Variants in ZDHHC14 observed in about 807,000 individuals in gnomAD.
The protein encoded by ZDHHC14 is zDHHC palmitoyltransferase 14.
In ZDHHC14, 16 loss-of-function variants were observed where a neutral mutation model predicts 47.7. The observed-to-expected ratio is 0.34, with a 90% confidence interval of 0.23 to 0.51. The LOEUF (loss-of-function observed/expected upper bound fraction) is 0.51. ZDHHC14 is among the 20% of genes least tolerant of loss of function. The pLI, the probability that ZDHHC14 is intolerant of heterozygous loss-of-function variation, is 0.97. For synonymous variants in ZDHHC14, 293 were observed against 278.9 expected, an observed-to-expected ratio of 1.05 and a Z score of -0.50; for missense variants, 515 against 662.5, an observed-to-expected ratio of 0.78 and a Z score of 2.44.
At chr6:157,466,366 A>C (rs896150805) in intron 1 of ZDHHC14, among the ~76,000 whole-genome samples, 3 of 152,208 alleles carry the variant, frequency 2.0e-5, no homozygotes, top group Admixed American at 6.5e-5. Context: ...ATCACAGCCC[A>C]TACCTGCGTC....
chr6:157,513,572 C>T (rs1351155305), intron 1 of ZDHHC14, among the ~76,000 whole-genome samples: 2 of 152,104 alleles, frequency 1.3e-5, no homozygotes, highest in Admixed American at 6.6e-5. Context: ...TTTTGCTGTT[C>T]GGTATTTAGG....
chr6:157,442,635 G>T (rs925876932), intron 1 of ZDHHC14, among the ~76,000 whole-genome samples: 1 of 152,180 alleles, frequency 6.6e-6, no homozygotes, highest in Non-Finnish European at 1.5e-5. Context: ...TTGCCTGGGC[G>T]ATTTTCTCCT....
intron 1 of ZDHHC14, among the ~76,000 whole-genome samples, chr6:157,429,096 C>T (rs892069747): frequency 1.3e-5 from 2 of 152,076 alleles, no homozygotes; most frequent in African/African-American, 4.8e-5. Flanking sequence ...GGGAAGGGAA[C>T]GGCCTAGGAT....
rs768063106 is a variant in ZDHHC14 at position 157,536,819 on chromosome 6, C to CTTTTTTTTTTTTTTTTTT, written c.246-5749_246-5748insTTTTTTTTTTTTTTTTTT. ...TCTGTCTATCTATCCCTCCATCTAT[C>CTTTTTTTTTTTTTTTTTT]TTTTTTTTTTTTTTTTTGAGACAGA... On this transcript the variant is annotated intron_variant, in intron 1 of 8. Coordinates refer to ENST00000359775, the MANE Select transcript of ZDHHC14 (RefSeq NM_024630.3). Among the ~76,000 whole-genome samples the CTTTTTTTTTTTTTTTTTT allele has an allele frequency of 6.5e-4, 64 of 97,974 alleles. 7 individuals are homozygous for CTTTTTTTTTTTTTTTTTT. Among genetic ancestry groups the CTTTTTTTTTTTTTTTTTT allele is most frequent in the African/African-American group, 9.6e-4 (15 of 15,644 alleles). 64.3% of individuals were successfully genotyped at this position (97,974 alleles called of 152,430 possible).
intron 1 of ZDHHC14, among the ~76,000 whole-genome samples, chr6:157,417,746 C>A (rs530768086): frequency 6.6e-6 from 1 of 152,100 alleles, no homozygotes; most frequent in African/African-American, 2.4e-5. Flanking sequence ...TTTGGGAGGC[C>A]GAGGCGGGCG....
rs1779047268 is a variant in ZDHHC14, at chr6:157,460,359, A to G, written c.245+78093A>G. On this transcript the variant is annotated intron_variant, in intron 1 of 8. Coordinates refer to ENST00000359775, the MANE Select transcript of ZDHHC14 (RefSeq NM_024630.3). ...GACTGCAGTGAGCTATGATCACACC[A>G]CTGCACTCCAGCCTGGGCAACAGAG... Among the ~76,000 whole-genome samples, 4 of 136,452 alleles carry G rather than the reference A, an allele frequency of 2.9e-5. No individual in the cohort carries two copies. In the South Asian group the frequency reaches 9.7e-4, roughly 33 times the overall value. The allele number at this position is 136,452 out of a possible 152,430, so 89.5% of individuals were successfully genotyped here.
In ZDHHC14 at chr6:157,508,691, G is replaced by T. The variant is rs533943750; in HGVS notation, c.246-33894G>T. Among the ~76,000 whole-genome samples the T allele has an allele frequency of 4.6e-5, 7 of 152,118 alleles. No individual in the cohort carries two copies. In the East Asian group the frequency reaches 1.4e-3, roughly 29 times the overall value. On this transcript the variant is annotated intron_variant, in intron 1 of 8. Coordinates refer to ENST00000359775, the MANE Select transcript of ZDHHC14 (RefSeq NM_024630.3). ...CTGCACCCAACCAATGTCTTGTATT[G>T]ATCCTTTAATTTTCTTAGCTTTTGT...
At chr6:157,613,797 T>G (rs1056856916) in intron 3 of ZDHHC14, among the ~76,000 whole-genome samples, 37 of 152,202 alleles carry the variant, frequency 2.4e-4, no homozygotes, top group African/African-American at 8.7e-4. Context: ...AAATTGTACC[T>G]AAAATGTGTG....
chr6:157,528,158 T>C (rs981524349), intron 1 of ZDHHC14, among the ~76,000 whole-genome samples: 3 of 152,200 alleles, frequency 2.0e-5, no homozygotes, highest in Non-Finnish European at 2.9e-5. Context: ...CCACCATTTT[T>C]CCCTAGATCT....
intron 5 of ZDHHC14, among the ~76,000 whole-genome samples, chr6:157,642,041 G>GATAT (rs1554277124): frequency 5.7e-4 from 86 of 149,782 alleles, no homozygotes; most frequent in African/African-American, 1.9e-3. Flanking sequence ...TAGATAGATA[G>GATAT]ATAGATAGAT....
intron 8 of ZDHHC14, among the ~76,000 whole-genome samples, chr6:157,664,964 C>T (rs943979266): frequency 2.0e-5 from 3 of 152,188 alleles, no homozygotes; most frequent in East Asian, 3.8e-4. Context: ...TCAGCTTTCT[C>T]GCACTCTGAC....
intron 1 of ZDHHC14, among the ~76,000 whole-genome samples, chr6:157,496,715 C>T (rs1252953986): frequency 1.3e-5 from 2 of 152,178 alleles, no homozygotes; most frequent in Admixed American, 6.5e-5. Flanking sequence ...GAACATGGAC[C>T]TGCCACCACC....
intron 3 of ZDHHC14, among the ~76,000 whole-genome samples, chr6:157,603,125 C>A (rs1278253190): frequency 2.0e-5 from 3 of 152,140 alleles, no homozygotes; most frequent in Non-Finnish European, 2.9e-5. Flanking sequence ...TGCCAGGGCC[C>A]AGGGCTGGAC....
chr6:157,529,739 C>A (rs1420537377), intron 1 of ZDHHC14, among the ~76,000 whole-genome samples: 25 of 152,218 alleles, frequency 1.6e-4, no homozygotes. Flanking sequence ...AAAACAGGTA[C>A]AGCTGTTATT....
At chr6:157,455,042 C>T (rs1269581632) in intron 1 of ZDHHC14, among the ~76,000 whole-genome samples, 1 of 152,186 alleles carries the variant, frequency 6.6e-6, no homozygotes, top group Non-Finnish European at 1.5e-5. Flanking sequence ...AACTGACGGG[C>T]CCATCCATTC....
intron 1 of ZDHHC14, among the ~76,000 whole-genome samples, chr6:157,489,017 G>A (rs761068498): frequency 2.0e-5 from 3 of 152,182 alleles, no homozygotes; most frequent in African/African-American, 7.2e-5. Flanking sequence ...GATGCTGTGC[G>A]GTTTGTTTAC....
At chr6:157,601,529 G>T (rs529654680) in intron 3 of ZDHHC14, among the ~76,000 whole-genome samples, 1 of 152,248 alleles carries the variant, frequency 6.6e-6, no homozygotes, top group Non-Finnish European at 1.5e-5. Context: ...CTATGTATCA[G>T]TTAGGAATTG....
rs777568494 is a variant in ZDHHC14 at position 157,595,174 on chromosome 6, A to ATT, written c.565+2063_565+2064dup. ...CCTCTGTTTCTTGTCTCTAGGCTAG[A>ATT]TTTTTTTTTTTTTTTTTTTTTTTTT... On this transcript the variant is annotated intron_variant, in intron 3 of 8. Transcript: ENST00000359775. Among the ~76,000 whole-genome samples the ATT allele has an allele frequency of 4.6e-4, 29 of 62,714 alleles. 8 individuals are homozygous for ATT. The highest frequency in any genetic ancestry group is 1.1e-3 in the South Asian group (2 of 1,798). 41.1% of individuals were successfully genotyped at this position (62,714 alleles called of 152,430 possible).
At chr6:157,637,700 A>G (rs1179738677) in intron 5 of ZDHHC14, among the ~76,000 whole-genome samples, 1 of 152,218 alleles carries the variant, frequency 6.6e-6, no homozygotes, top group African/African-American at 2.4e-5. Flanking sequence ...TTCTCGGGCA[A>G]GACAATAACT....
Sources: gnomAD v4.1 joint callset for allele counts (sites outside exome capture counted in the v4.1 genomes callset) on GRCh38, gnomAD v4.1.1 for gene constraint, MANE v1.5 for transcripts, NCBI Gene and HGNC (gene_info 2026-07-23, HGNC 2026-07-21) for gene names.